Variants in KNTC1 observed in about 807,000 individuals in gnomAD.
The protein encoded by KNTC1 is kinetochore-associated protein 1.
Under a neutral mutation model 314.4 loss-of-function variants are expected in KNTC1, and 253 were observed. That is an observed-to-expected ratio of 0.80 (90% CI 0.73 to 0.89). KNTC1 has a LOEUF of 0.89. Ranked by LOEUF, KNTC1 falls within the 40% of genes least tolerant of loss-of-function variation. KNTC1 has a pLI of 0.00. For missense variants in KNTC1, 2,475 were observed against 2,572.9 expected (o/e 0.96, Z 0.82); for synonymous variants, 901 against 901.4 (o/e 1.00, Z 0.01).
At chr12:122,591,974 G>T (rs1870268961) in intron 42 of KNTC1, among the ~76,000 whole-genome samples, 1 of 152,200 alleles carries the variant, frequency 6.6e-6, no homozygotes, top group Admixed American at 6.5e-5. Flanking sequence ...CCCCTTTTTG[G>T]GCTGGCCAAG....
chr12:122,606,925 A>G (rs894335079), intron 51 of KNTC1, among the ~76,000 whole-genome samples: 2 of 152,214 alleles, frequency 1.3e-5, no homozygotes, highest in African/African-American at 4.8e-5. Context: ...CAGAAATTTA[A>G]TGGTGATATA....
intron 51 of KNTC1, 90 bp downstream of exon 51, chr12:122,605,505 C>A: frequency 1.5e-6 from 1 of 653,366 alleles, no homozygotes; most frequent in Non-Finnish European, 2.7e-6. Flanking sequence ...CATGATACAG[C>A]CTTCTAATTA....
intron 1 of KNTC1, 43 bp from the exon 2 acceptor site, chr12:122,529,948 T>G: frequency 8.8e-7 from 1 of 1,138,274 alleles, no homozygotes; most frequent in Non-Finnish European, 1.2e-6. Context: ...GTTTTGTGAG[T>G]AAGCTTTATC....
In KNTC1 at chr12:122,532,093, A is replaced by G. The variant is rs538952557; in HGVS notation, c.129+1901A>G. ...CTGTAGCCCAGGCTGGAGTACAGTGATGTGATATTGACTCATTACAACCTC... is the reference window on the plus strand; with the variant it reads ...CTGTAGCCCAGGCTGGAGTACAGTGGTGTGATATTGACTCATTACAACCTC... On this transcript the variant is annotated intron_variant, in intron 2 of 63. Transcript: ENST00000333479. Among the ~76,000 whole-genome samples the G allele has an allele frequency of 2.8e-5, 4 of 143,724 alleles. No homozygotes were observed. The East Asian group carries it at 8.8e-4, about 32-fold the overall frequency. 94.3% of individuals were successfully genotyped at this position (143,724 alleles called of 152,430 possible). A position where few individuals can be genotyped will look rare whatever the true frequency, so the allele number is the denominator to read the frequency against.
At chr12:122,588,457 A>G (rs1233488555) in intron 39 of KNTC1, among the ~76,000 whole-genome samples, 2 of 152,194 alleles carry the variant, frequency 1.3e-5, no homozygotes, top group Non-Finnish European at 2.9e-5. Context: ...TTCAAAATTA[A>G]AATGCACATT....
chr12:122,533,012 C>G (rs1324657453), intron 2 of KNTC1, among the ~76,000 whole-genome samples: 1 of 151,976 alleles, frequency 6.6e-6, no homozygotes, highest in Non-Finnish European at 1.5e-5. Context: ...GAGTTTGAGG[C>G]CAGCCTGGGC....
chr12:122,608,329 C>A (rs918806054), intron 51 of KNTC1, among the ~76,000 whole-genome samples: 3 of 152,088 alleles, frequency 2.0e-5, no homozygotes, highest in African/African-American at 7.2e-5. Flanking sequence ...GGGTTTTCGC[C>A]ATGTTGCCCA....
Position 122,543,210 on chromosome 12 carries a change from G to A in KNTC1, c.524-390G>A, listed in dbSNP as rs562321823. Among the ~76,000 whole-genome samples, 6 of 152,296 alleles carry A rather than the reference G, an allele frequency of 3.9e-5. No homozygotes were observed. In the East Asian group the frequency reaches 1.2e-3, roughly 29 times the overall value. On this transcript the variant is annotated intron_variant, in intron 6 of 63. Coordinates refer to ENST00000333479, the MANE Select transcript of KNTC1 (RefSeq NM_014708.6). ...TTGTAGGCATGAGCCACTGCGCCCG[G>A]CCTAAGTGATATTTTTAAAATACTG...
rs928965525 is a variant in KNTC1 at position 122,576,963 on chromosome 12, A to C, written c.2655A>C (p.Gln885His). The C allele has an allele frequency of 4.4e-6, 7 of 1,600,464 alleles. No individual in the cohort carries two copies. The African/African-American group carries it at 9.4e-5, about 21-fold the overall frequency. ...TAGAAGATGCTTTAAAGGTAGCCCA[A>C]GCGTTTATGTTATCTGATGATGAGA... ...SSLEDALKVA[Q>H]AFMLSDDEIY... Residue 885 changes from glutamine to histidine, a missense_variant, in exon 30 of 64, where the codon CAA becomes CAC. Coordinates refer to ENST00000333479, the MANE Select transcript of KNTC1 (RefSeq NM_014708.6).
intron 40 of KNTC1, among the ~76,000 whole-genome samples, chr12:122,589,222 C>T (rs958641449): frequency 2.0e-5 from 3 of 151,898 alleles, no homozygotes; most frequent in African/African-American, 7.3e-5. Flanking sequence ...AACTGTGCCC[C>T]ACTCTGTAGT....
intron 38 of KNTC1, 136 bp from the exon 39 acceptor site, chr12:122,587,575 C>T (rs902686711): frequency 1.7e-6 from 1 of 579,958 alleles, no homozygotes; most frequent in Non-Finnish European, 2.8e-6. Context: ...GTTAACTTCT[C>T]ATTAACTAAC....
At position 122,543,595 on chromosome 12, in the gene KNTC1, T is replaced by C. The variant is rs189039449; in HGVS notation, c.524-5T>C. On this transcript the variant is annotated splice_region_variant and splice_polypyrimidine_tract_variant and intron_variant, in intron 6 of 63. Coordinates refer to ENST00000333479, the MANE Select transcript of KNTC1 (RefSeq NM_014708.6). ...ACATTTAGCCTGCTTTCTTTTTTAA[T>C]GCAGCAATTGAGAATGTAGACTTCA... 13 of 1,553,430 alleles carry C rather than the reference T, an allele frequency of 8.4e-6. No homozygotes were observed. The African/African-American group carries it at 1.5e-4, about 18-fold the overall frequency.
At chr12:122,535,450 G>A (rs1961716649) in intron 3 of KNTC1, among the ~76,000 whole-genome samples, 1 of 152,110 alleles carries the variant, frequency 6.6e-6, no homozygotes, top group African/African-American at 2.4e-5. Context: ...AGACCAGCCT[G>A]GGCAACATGG....
chr12:122,590,487 GTTTTT>G lies in KNTC1; in HGVS notation c.4000-116_4000-112del, dbSNP rs969446748. 7 of 988,710 alleles carry G rather than the reference GTTTTT, an allele frequency of 7.1e-6. No homozygotes were observed. The African/African-American group carries it at 1.0e-4, about 14-fold the overall frequency. The allele number at this position is 988,710 out of a possible 1,614,324, so 61.2% of individuals were successfully genotyped here. On this transcript the variant is annotated intron_variant, in intron 40 of 63. Transcript: ENST00000333479. Reference sequence around the variant, plus strand: ...AATTCTGTTTTTTTTTCTTTAAAAAGTTTTTTTTAAGTATAAATTAAAATTATTCC... The same window carrying G: ...AATTCTGTTTTTTTTTCTTTAAAAAGTTTAAGTATAAATTAAAATTATTCC...
chr12:122,619,765 C>G (rs945298087), intron 59 of KNTC1, among the ~76,000 whole-genome samples: 3 of 152,108 alleles, frequency 2.0e-5, no homozygotes, highest in Non-Finnish European at 4.4e-5. Flanking sequence ...GTCTACTTCC[C>G]ATGTGTTGTG....
intron 40 of KNTC1, among the ~76,000 whole-genome samples, chr12:122,590,337 G>C (rs1870007381): frequency 6.6e-6 from 1 of 152,022 alleles, no homozygotes; most frequent in Non-Finnish European, 1.5e-5. Context: ...TTACTCTTCA[G>C]ATAGTCATAA....
In KNTC1 at chr12:122,546,647, C is replaced by A; in HGVS notation, c.789C>A (p.Asp263Glu). The A allele has an allele frequency of 6.3e-7, 1 of 1,588,372 alleles. No individual in the cohort carries two copies. Among genetic ancestry groups the A allele is most frequent in the Non-Finnish European group, 8.6e-7 (1 of 1,163,256 alleles). The change falls in exon 10 of 64, where the codon GAC becomes GAA. Residue 263 changes from aspartate to glutamate, a missense_variant. Coordinates refer to ENST00000333479, the MANE Select transcript of KNTC1 (RefSeq NM_014708.6). ...IKGAKKFQLI[D>E]NLLFVLDTDN... Reference sequence around the variant, plus strand: ...GTGCAAAGAAGTTCCAGCTGATAGACAATCTACTTTTTGTTCTTGATACTG... The same window carrying A: ...GTGCAAAGAAGTTCCAGCTGATAGAAAATCTACTTTTTGTTCTTGATACTG...
At chr12:122,532,468 A>G (rs1961436964) in intron 2 of KNTC1, among the ~76,000 whole-genome samples, 2 of 151,844 alleles carry the variant, frequency 1.3e-5, no homozygotes, top group Admixed American at 6.6e-5. Context: ...CGGCCTCCCA[A>G]AGTTCTGGGA....
intron 49 of KNTC1, 118 bp from the exon 50 acceptor site, chr12:122,604,759 G>T: frequency 8.1e-7 from 1 of 1,231,124 alleles, no homozygotes; most frequent in East Asian, 2.5e-5. Flanking sequence ...GCTTTATGTA[G>T]ATGCTTAGGA....
Sources: gnomAD v4.1 joint callset for allele counts (sites outside exome capture counted in the v4.1 genomes callset) on GRCh38, gnomAD v4.1.1 for gene constraint, MANE v1.5 for transcripts, NCBI Gene and HGNC (gene_info 2026-07-23, HGNC 2026-07-21) for gene names.